COL5A1: variants seen among roughly 807,000 people sequenced by gnomAD.
COL5A1 encodes the protein collagen type V alpha 1 chain.
In COL5A1, 16 loss-of-function variants were observed where a neutral mutation model predicts 263.7. The observed-to-expected ratio is 0.06, with a 90% CI of 0.04 to 0.09. The LOEUF (loss-of-function observed/expected upper bound fraction) is 0.09. Ranked by LOEUF, COL5A1 falls within the 10% of genes least tolerant of loss-of-function variation. The pLI is 1.00. For synonymous variants in COL5A1, 1,012 were observed against 1,004.5 expected (o/e 1.01, Z -0.14); for missense variants, 2,036 against 2,540.5 (o/e 0.80, Z 4.27).
chr9:134,685,082 A>ATCATCCT (rs1832977658), intron 1 of COL5A1, among the ~76,000 whole-genome samples: 8 of 98,440 alleles, frequency 8.1e-5, no homozygotes, highest in Non-Finnish European at 1.6e-4. Flanking sequence ...CCATCCATCC[A>ATCATCCT]CCCACCATCC....
chr9:134,797,471 T>C (rs1837953401), intron 36 of COL5A1, among the ~76,000 whole-genome samples: 1 of 138,490 alleles, frequency 7.2e-6, no homozygotes, highest in Admixed American at 7.1e-5. Context: ...TGTCTCTCTG[T>C]CTTCTAATCT....
rs1048931699 is a variant in COL5A1, at chr9:134,677,883, G to A, written c.110-13029G>A. Reference sequence around the variant, plus strand: ...CCCCATGGCATGGTTCCACGGGAGGGGCATCTTCTGCCTGGCCCTTGTTCC... The same window carrying A: ...CCCCATGGCATGGTTCCACGGGAGGAGCATCTTCTGCCTGGCCCTTGTTCC... On this transcript the variant is annotated intron_variant, in intron 1 of 65. Transcript: ENST00000371817. The surrounding 1 kb of genome is among the most constrained non-coding windows in gnomAD (Gnocchi z 4.4). Among the ~76,000 whole-genome samples, 2 of 152,188 alleles carry A rather than the reference G, an allele frequency of 1.3e-5. No individual in the cohort carries two copies. The highest frequency in any genetic ancestry group is 1.3e-4 in the Admixed American group (2 of 15,280).
At chr9:134,836,596 A>G (rs750587336) in intron 65 of COL5A1, among the ~76,000 whole-genome samples, 1 of 152,198 alleles carries the variant, frequency 6.6e-6, no homozygotes, top group African/African-American at 2.4e-5. Flanking sequence ...CTGGGCAGGC[A>G]GGAAAGCCAG....
At chr9:134,760,736 CCA>C (rs1353870463) in intron 18 of COL5A1, among the ~76,000 whole-genome samples, 2 of 140,754 alleles carry the variant, frequency 1.4e-5, no homozygotes, top group African/African-American at 5.5e-5. Flanking sequence ...TGCACACACA[CCA>C]CACATGCACA....
At position 134,758,427 on chromosome 9, in the gene COL5A1, A is replaced by G; in HGVS notation, c.1935+131A>G. 1.1e-6 allele frequency: 1 copy of G among 889,784 alleles called. No homozygotes were observed. Among genetic ancestry groups the G allele is most frequent in the Non-Finnish European group, 1.8e-6 (1 of 550,124 alleles). The allele number at this position is 889,784 out of a possible 1,614,324, so 55.1% of individuals were successfully genotyped here. A position where few individuals can be genotyped will look rare whatever the true frequency, so the allele number is the denominator to read the frequency against. On this transcript the variant is annotated intron_variant, in intron 18 of 65. Transcript: ENST00000371817. This position sits in a 1 kb window ranked among gnomAD's most constrained non-coding sequence, Gnocchi z 4.1. ...TCTCCGCCATTCCAACAGTCAGTAT[A>G]CAAACCTCACGGGAGTCAGCAATGG...
intron 2 of COL5A1, among the ~76,000 whole-genome samples, chr9:134,699,617 G>A (rs1390750820): frequency 1.3e-5 from 2 of 152,176 alleles, no homozygotes; most frequent in African/African-American, 4.8e-5. Flanking sequence ...TGTGTTAGGC[G>A]CAGGAGCTGA....
chr9:134,805,178 A>G lies in COL5A1; in HGVS notation c.3222A>G (p.Lys1074=). 2 of 1,614,002 alleles carry G rather than the reference A, an allele frequency of 1.2e-6. No homozygotes were observed. The highest frequency in any genetic ancestry group is 4.5e-5 in the East Asian group (2 of 44,850). Reference sequence around the variant, plus strand: ...CTTTGCAGGGAGCTCTTGGACTGAAAGGCAATGAAGGGCCCCCTGGCCCAC... The same window carrying G: ...CTTTGCAGGGAGCTCTTGGACTGAAGGGCAATGAAGGGCCCCCTGGCCCAC... ...LPGPVGALGL[K]GNEGPPGPPG... is the part of the protein sequence containing the mutation. The change falls in exon 41 of 66, where the codon AAA becomes AAG. Residue 1074 remains lysine (K), a synonymous_variant. Coordinates refer to ENST00000371817, the MANE Select transcript of COL5A1 (RefSeq NM_000093.5).
intron 13 of COL5A1, 123 bp from the exon 14 acceptor site, chr9:134,752,466 T>G: frequency 1.4e-6 from 1 of 712,590 alleles, no homozygotes; most frequent in South Asian, 1.6e-5. Context: ...TTTTCCAGAG[T>G]CTCCTGTCCC....
chr9:134,841,688 G>A lies in COL5A1; in HGVS notation c.5371-469G>A, dbSNP rs1415723607. 2.0e-5 allele frequency among the ~76,000 whole-genome samples: 3 copies of A among 152,114 alleles called. No individual in the cohort carries two copies. The highest frequency in any genetic ancestry group is 2.9e-5 in the Non-Finnish European group (2 of 68,022). On this transcript the variant is annotated intron_variant, in intron 65 of 65. Coordinates refer to ENST00000371817, the MANE Select transcript of COL5A1 (RefSeq NM_000093.5). The surrounding 1 kb of genome is among the most constrained non-coding windows in gnomAD (Gnocchi z 4.8). ...GTCTTACTTGGCTCAAGGCTCTGCC[G>A]GTGCCGCCTCGGACTCCTTCCTTTT...
Position 134,830,016 on chromosome 9 carries a change from G to C in COL5A1, c.5108G>C (p.Trp1703Ser). Residue 1703 changes from tryptophan to serine, a missense_variant, in exon 64 of 66, where the codon TGG becomes TCG. Around this residue, in one of 3 missense-constraint regions of COL5A1, gnomAD observed 358 missense variants for 384.6 expected, o/e 0.93. Transcript: ENST00000371817. ...TSWPKENPGS[W>S]FSEFKRGKLL... is the part of the protein sequence containing the mutation. ...TGGCCCAAAGAAAACCCGGGCTCCT[G>C]GTTCAGTGAATTCAAGCGTGGGAAA... 1.2e-6 allele frequency: 2 copies of C among 1,614,024 alleles called. No homozygotes were observed. The highest frequency in any genetic ancestry group is 1.7e-6 in the Non-Finnish European group (2 of 1,179,968).
Position 134,727,306 on chromosome 9 carries a change from C to A in COL5A1, c.695C>A (p.Ala232Glu). 6.2e-7 allele frequency: 1 copy of A among 1,614,088 alleles called. No homozygotes were observed. Among genetic ancestry groups the A allele is most frequent in the Non-Finnish European group, 8.5e-7 (1 of 1,179,988 alleles). Residue 232 changes from alanine (A) to glutamate (E), a missense_variant, in exon 5 of 66, where the codon GCA becomes GAA. By Grantham distance (107) the Ala-to-Glu change is moderately radical. This residue lies in a region of COL5A1 where 600 missense variants were observed against 634.5 expected (regional missense o/e 0.95). Transcript: ENST00000371817. Reference sequence around the variant, plus strand: ...CTGCTCTTTGTCTCGGACCACCGGGCAGCTTATGATTACTGTGAGCACTAC... The same window carrying A: ...CTGCTCTTTGTCTCGGACCACCGGGAAGCTTATGATTACTGTGAGCACTAC... ...QQLLFVSDHR[A>E]AYDYCEHYSP...
At chr9:134,805,528 G>T (rs935349443) in intron 41 of COL5A1, among the ~76,000 whole-genome samples, 5 of 152,132 alleles carry the variant, frequency 3.3e-5, no homozygotes, top group African/African-American at 1.2e-4. Flanking sequence ...CACACCTATC[G>T]TGGGTCTGGG....
At chr9:134,781,382 G>C (rs947341739) in intron 28 of COL5A1, among the ~76,000 whole-genome samples, 3 of 152,262 alleles carry the variant, frequency 2.0e-5, no homozygotes, top group Non-Finnish European at 2.9e-5. Flanking sequence ...CAAGAGCACT[G>C]CTTTCTACGT....
chr9:134,765,605 A>G lies in COL5A1; in HGVS notation c.2035-76A>G. On this transcript the variant is annotated intron_variant, in intron 20 of 65. Coordinates refer to ENST00000371817, the MANE Select transcript of COL5A1 (RefSeq NM_000093.5). The surrounding 1 kb of genome is among the most constrained non-coding windows in gnomAD (Gnocchi z 5.1). ...GGGGTTCTGGGTGGAGTCAGGGCCAAGTGGGCATAGGGGACAGAGAGGAGG... is the reference window on the plus strand; with the variant it reads ...GGGGTTCTGGGTGGAGTCAGGGCCAGGTGGGCATAGGGGACAGAGAGGAGG... 7.3e-7 allele frequency: 1 copy of G among 1,366,060 alleles called. No homozygotes were observed. Among genetic ancestry groups the G allele is most frequent in the South Asian group, 1.2e-5 (1 of 85,202 alleles). The allele number at this position is 1,366,060 out of a possible 1,614,324, so 84.6% of individuals were successfully genotyped here.
intron 9 of COL5A1, 113 bp from the exon 10 acceptor site, chr9:134,738,358 CAGG>C: frequency 8.6e-7 from 1 of 1,156,624 alleles, no homozygotes; most frequent in Admixed American, 1.8e-5. Flanking sequence ...CCCAGGACAG[CAGG>C]AGCTGAGCCA....
chr9:134,708,980 T>C (rs1293649741), intron 4 of COL5A1: 1 of 456,332 alleles, frequency 2.2e-6, no homozygotes, highest in East Asian at 6.9e-5. Flanking sequence ...TCCCCCTGTG[T>C]CTCTCTGTGT....
chr9:134,760,427 C>CA, intron 18 of COL5A1, among the ~76,000 whole-genome samples: 1 of 108,440 alleles, frequency 9.2e-6, no homozygotes, highest in Admixed American at 9.6e-5. Context: ...TGCACACACA[C>CA]CACACATGCA....
rs1320222924 is a variant in COL5A1, at chr9:134,741,530, A to G, written c.1494+2722A>G. Among the ~76,000 whole-genome samples the G allele has an allele frequency of 6.6e-6, 1 of 151,620 alleles. No individual in the cohort carries two copies. Among genetic ancestry groups the G allele is most frequent in the Non-Finnish European group, 1.5e-5 (1 of 67,904 alleles). On this transcript the variant is annotated intron_variant, in intron 11 of 65. Coordinates refer to ENST00000371817, the MANE Select transcript of COL5A1 (RefSeq NM_000093.5). This position sits in a 1 kb window ranked among gnomAD's most constrained non-coding sequence, Gnocchi z 4.5. ...AAGGTTATCTTGGCAAAGTCTGTTG[A>G]TGCAGATTCACTGGGGGCTGGCCTC...
rs1838836471 is a variant in COL5A1 at position 134,818,133 on chromosome 9, C to CAT, written c.4230+303_4230+304dup. ...TATGTCCCCCGGAGCCCTGCGACCT[C>CAT]ATGCCTGGTCTTTGAGTCGGCCAGA... On this transcript the variant is annotated intron_variant, in intron 54 of 65. Coordinates refer to ENST00000371817, the MANE Select transcript of COL5A1 (RefSeq NM_000093.5). This position sits in a 1 kb window ranked among gnomAD's most constrained non-coding sequence, Gnocchi z 6.0. Among the ~76,000 whole-genome samples, 1 of 152,218 alleles carries CAT rather than the reference C, an allele frequency of 6.6e-6. No individual in the cohort carries two copies. Among genetic ancestry groups the CAT allele is most frequent in the Non-Finnish European group, 1.5e-5 (1 of 68,028 alleles).
Sources: allele counts gnomAD v4.1 joint callset (sites outside exome capture counted in the v4.1 genomes callset), GRCh38; gene constraint gnomAD v4.1.1; regional missense constraint gnomAD v4.1.1; non-coding constraint Gnocchi (gnomAD v3.1); transcripts MANE v1.5; gene names NCBI Gene and HGNC (gene_info 2026-07-23, HGNC 2026-07-21).